Variants in AGAP1 observed in about 807,000 individuals in gnomAD.
AGAP1 encodes the protein ArfGAP with GTPase domain, ankyrin repeat and PH domain 1, also known as arf-GAP with GTPase, ANK repeat and PH domain-containing protein 1.
In AGAP1, 29 loss-of-function variants were observed where a neutral mutation model predicts 105.3. The observed-to-expected ratio is 0.28, with a 90% CI of 0.21 to 0.38. The LOEUF (loss-of-function observed/expected upper bound fraction) is 0.38, where lower values mean the gene tolerates loss of function less well. Among genes scored for constraint, AGAP1 ranks in the 10% least tolerant of loss-of-function variants. The probability of loss-of-function intolerance (pLI) is 1.00; values close to 1 mark genes in which losing one functional copy is unlikely to be tolerated. For missense variants in AGAP1, 998 were observed against 1,165.1 expected (o/e 0.86, Z 2.09); for synonymous variants, 509 against 485.9 (o/e 1.05, Z -0.63).
chr2:236,122,433 C>T lies in AGAP1; in HGVS notation c.2371-1486C>T, dbSNP rs80218157. 4.6e-3 allele frequency among the ~76,000 whole-genome samples: 702 copies of T among 152,258 alleles called. 6 individuals are homozygous for T. The highest frequency in any genetic ancestry group is 0.016 in the African/African-American group (675 of 41,544). The stretch of plus-strand genomic sequence containing the variant: ...AAATTACAGGCCATCTTTGCTTCTC[C>T]AATTGAGCAAAAATTCCTTTGATGG... On this transcript the variant is annotated intron_variant, in intron 17 of 17. Coordinates refer to ENST00000304032, the MANE Select transcript of AGAP1 (RefSeq NM_001037131.3).
chr2:235,937,791 A>G (rs974413540), intron 12 of AGAP1, among the ~76,000 whole-genome samples: 1 of 152,206 alleles, frequency 6.6e-6, no homozygotes, highest in Non-Finnish European at 1.5e-5. Context: ...GCTAGTGGGT[A>G]GAAGCCACCA....
In AGAP1 at chr2:235,769,357, C is replaced by T. The variant is rs1159946044; in HGVS notation, c.673+18869C>T. Among the ~76,000 whole-genome samples, 1 of 152,196 alleles carries T rather than the reference C, an allele frequency of 6.6e-6. No homozygotes were observed. The highest frequency in any genetic ancestry group is 2.4e-5 in the African/African-American group (1 of 41,454). ...CTTTCTGCTTTGAGTTTTCTTTTTC[C>T]TCCAGTGGCAAGGTTTGCGTGGTCT... On this transcript the variant is annotated intron_variant, in intron 6 of 17. Coordinates refer to ENST00000304032, the MANE Select transcript of AGAP1 (RefSeq NM_001037131.3). This position sits in a 1 kb window ranked among gnomAD's most constrained non-coding sequence, Gnocchi z 4.4.
chr2:235,978,570 T>C (rs887415375), intron 13 of AGAP1, among the ~76,000 whole-genome samples: 1 of 152,184 alleles, frequency 6.6e-6, no homozygotes, highest in Non-Finnish European at 1.5e-5. Context: ...TTGAATAAAG[T>C]TGAGTAATTT....
intron 9 of AGAP1, among the ~76,000 whole-genome samples, chr2:235,840,064 G>A (rs1407377697): frequency 6.6e-6 from 1 of 152,214 alleles, no homozygotes; most frequent in African/African-American, 2.4e-5. Context: ...TGATGGGAAT[G>A]TTTGTAATCA....
Position 235,741,701 on chromosome 2 carries a change from GTTA to G in AGAP1, c.396+665_396+667del, listed in dbSNP as rs537410002. On this transcript the variant is annotated intron_variant, in intron 4 of 17. Transcript: ENST00000304032. The surrounding 1 kb of genome is among the most constrained non-coding windows in gnomAD (Gnocchi z 4.9). ...ACCAGTTAAGCACTTTATTATTATT[GTTA>G]TTATTATTATTGTTGTTGTTGTTAT... Among the ~76,000 whole-genome samples the G allele has an allele frequency of 0.01, 1,508 of 150,264 alleles. 24 individuals are homozygous for G. Among genetic ancestry groups the G allele is most frequent in the African/African-American group, 0.035 (1,419 of 41,096 alleles).
At chr2:235,568,505 C>G (rs567504547) in intron 1 of AGAP1, among the ~76,000 whole-genome samples, 1 of 152,132 alleles carries the variant, frequency 6.6e-6, no homozygotes, top group African/African-American at 2.4e-5. Context: ...GGCATGCATG[C>G]GTGGGATGGA....
intron 13 of AGAP1, among the ~76,000 whole-genome samples, chr2:235,985,896 G>A (rs189146881): frequency 2.7e-4 from 41 of 152,330 alleles, no homozygotes; most frequent in African/African-American, 8.7e-4. Flanking sequence ...TTGAAGTCAT[G>A]TAGTGTGATG....
rs1344060606 is a variant in AGAP1 at position 235,551,261 on chromosome 2, TG to T, written c.163+56413del. On this transcript the variant is annotated intron_variant, in intron 1 of 17. Coordinates refer to ENST00000304032, the MANE Select transcript of AGAP1 (RefSeq NM_001037131.3). This position sits in a 1 kb window ranked among gnomAD's most constrained non-coding sequence, Gnocchi z 4.8. ...TCTTGGATCAGGATTTCCAGGCCTCTGCATCTCTTGAGTTGATTCTGAAAGG... is the reference window on the plus strand; with the variant it reads ...TCTTGGATCAGGATTTCCAGGCCTCTCATCTCTTGAGTTGATTCTGAAAGG... 1.3e-5 allele frequency among the ~76,000 whole-genome samples: 2 copies of T among 152,118 alleles called. No individual in the cohort carries two copies. Among genetic ancestry groups the T allele is most frequent in the Admixed American group, 6.5e-5 (1 of 15,282 alleles).
intron 1 of AGAP1, among the ~76,000 whole-genome samples, chr2:235,593,885 C>T (rs546668806): frequency 6.6e-6 from 1 of 152,250 alleles, no homozygotes; most frequent in East Asian, 1.9e-4. Context: ...AGGAGGATCA[C>T]TTGAGCCCCG....
chr2:236,056,350 C>G lies in AGAP1; in HGVS notation c.2114+7069C>G, dbSNP rs1186968269. 6.6e-6 allele frequency among the ~76,000 whole-genome samples: 1 copy of G among 152,126 alleles called. No individual in the cohort carries two copies. Among genetic ancestry groups the G allele is most frequent in the African/African-American group, 2.4e-5 (1 of 41,426 alleles). ...CGCAGAGCTGTCTAGGGTTGAAAATCCTTATCATTTACGTTCTGAAATACG... is the reference window on the plus strand; with the variant it reads ...CGCAGAGCTGTCTAGGGTTGAAAATGCTTATCATTTACGTTCTGAAATACG... On this transcript the variant is annotated intron_variant, in intron 16 of 17. Coordinates refer to ENST00000304032, the MANE Select transcript of AGAP1 (RefSeq NM_001037131.3). The surrounding 1 kb of genome is among the most constrained non-coding windows in gnomAD (Gnocchi z 4.6).
Position 236,129,746 on chromosome 2 carries a change from C to T in AGAP1, c.*5624C>T, listed in dbSNP as rs1412086997. The T allele has an allele frequency of 6.6e-6, 1 of 152,168 alleles. No individual in the cohort carries two copies. Among genetic ancestry groups the T allele is most frequent in the African/African-American group, 2.4e-5 (1 of 41,442 alleles). The allele number at this position is 152,168 out of a possible 1,614,324, so 9.4% of individuals were successfully genotyped here. On this transcript the variant is annotated 3_prime_UTR_variant, in exon 18 of 18. Transcript: ENST00000304032. The surrounding 1 kb of genome is among the most constrained non-coding windows in gnomAD (Gnocchi z 6.2). ...ATCAGTGTGTCTGCGGCTTTCTTCG[C>T]GTCACATGTCCGCATTGGCAGGTGA...
At chr2:235,972,285 A>G (rs2054680267) in intron 13 of AGAP1, among the ~76,000 whole-genome samples, 1 of 152,228 alleles carries the variant, frequency 6.6e-6, no homozygotes. Context: ...ATTGGAACAA[A>G]TAACTAGGTT....
intron 16 of AGAP1, among the ~76,000 whole-genome samples, chr2:236,072,125 GTT>G (rs11342740): frequency 6.3e-4 from 71 of 111,962 alleles, no homozygotes; most frequent in Middle Eastern, 5.7e-3. Flanking sequence ...TTCGTTGTGG[GTT>G]TTTTTTTTTT....
intron 16 of AGAP1, among the ~76,000 whole-genome samples, chr2:236,103,373 G>A (rs1046625005): frequency 3.3e-5 from 5 of 152,084 alleles, no homozygotes; most frequent in South Asian, 4.1e-4. Context: ...GGGGCAGCTG[G>A]GCTGGCTGGT....
At chr2:235,923,483 C>T (rs1375569709) in intron 11 of AGAP1, among the ~76,000 whole-genome samples, 1 of 152,108 alleles carries the variant, frequency 6.6e-6, no homozygotes, top group Non-Finnish European at 1.5e-5. Context: ...GTAGCCAGCC[C>T]TCATGGACCC....
chr2:235,741,109 C>G lies in AGAP1; in HGVS notation c.396+61C>G, dbSNP rs1232542620. 1.4e-6 allele frequency: 2 copies of G among 1,381,854 alleles called. No individual in the cohort carries two copies. Among genetic ancestry groups the G allele is most frequent in the Non-Finnish European group, 9.7e-7 (1 of 1,028,612 alleles). 85.6% of individuals were successfully genotyped at this position (1,381,854 alleles called of 1,614,324 possible). Reference sequence around the variant, plus strand: ...TCCCTTTGTTTTCTAAGGTTTGATTCAAGAAGTGCTTCTAGAAATCGGTGA... The same window carrying G: ...TCCCTTTGTTTTCTAAGGTTTGATTGAAGAAGTGCTTCTAGAAATCGGTGA... On this transcript the variant is annotated intron_variant, in intron 4 of 17. Coordinates refer to ENST00000304032, the MANE Select transcript of AGAP1 (RefSeq NM_001037131.3). This position sits in a 1 kb window ranked among gnomAD's most constrained non-coding sequence, Gnocchi z 4.9.
Position 235,753,739 on chromosome 2 carries a change from G to A in AGAP1, c.673+3251G>A, listed in dbSNP as rs1291736496. On this transcript the variant is annotated intron_variant, in intron 6 of 17. Transcript: ENST00000304032. The surrounding 1 kb of genome is among the most constrained non-coding windows in gnomAD (Gnocchi z 4.5). ...AAAAAAGTAGGATTTTATGGAATTT[G>A]AAAAGCAAATACCTGTGAAGCTACA... Among the ~76,000 whole-genome samples the A allele has an allele frequency of 6.6e-6, 1 of 151,500 alleles. No homozygotes were observed. The highest frequency in any genetic ancestry group is 2.4e-5 in the African/African-American group (1 of 41,278).
At position 235,750,392 on chromosome 2, in the gene AGAP1, G is replaced by A. The variant is rs367559858; in HGVS notation, c.577G>A (p.Ala193Thr). 13 of 1,614,066 alleles carry A rather than the reference G, an allele frequency of 8.1e-6. No homozygotes were observed. The highest frequency in any genetic ancestry group is 4.5e-5 in the East Asian group (2 of 44,890). Residue 193 changes from alanine (A) to threonine (T), a missense_variant, in exon 6 of 18, where the codon GCC becomes ACC. By Grantham distance (58) the Ala-to-Thr change is moderately conservative. Transcript: ENST00000304032. The surrounding 1 kb of genome is among the most constrained non-coding windows in gnomAD (Gnocchi z 5.3). ...SSANPRVIDD[A>T]RARKLSNDLK... ...TGCTAACCCGAGGGTCATCGATGACGCCAGGGCGAGGAAGCTCTCCAACGA... is the reference window on the plus strand; with the variant it reads ...TGCTAACCCGAGGGTCATCGATGACACCAGGGCGAGGAAGCTCTCCAACGA...
At chr2:235,942,790 A>C (rs2053322783) in intron 12 of AGAP1, among the ~76,000 whole-genome samples, 1 of 152,052 alleles carries the variant, frequency 6.6e-6, no homozygotes, top group Admixed American at 6.6e-5. Flanking sequence ...CAAATTTTCA[A>C]TTTCAGGGGG....
Sources: gnomAD v4.1 joint callset for allele counts (sites outside exome capture counted in the v4.1 genomes callset) on GRCh38, gnomAD v4.1.1 for gene constraint, Gnocchi (gnomAD v3.1) non-coding constraint, MANE v1.5 for transcripts, NCBI Gene and HGNC (gene_info 2026-07-23, HGNC 2026-07-21) for gene names.